Variants in PDE6C observed in about 807,000 individuals in gnomAD.
PDE6C encodes cone cGMP-specific 3',5'-cyclic phosphodiesterase subunit alpha'.
PDE6C carries 75 observed loss-of-function variants against 113.1 expected under a neutral mutation model. That is an observed-to-expected ratio of 0.66 (90% CI 0.55 to 0.80). PDE6C has a LOEUF of 0.80. Among genes scored for constraint, PDE6C ranks in the 30% least tolerant of loss-of-function variants. The pLI, the probability that PDE6C is intolerant of heterozygous loss-of-function variation, is 0.00. For synonymous variants in PDE6C, 375 were observed against 363.7 expected (o/e 1.03, Z -0.35); for missense variants, 912 against 1,038.6 (o/e 0.88, Z 1.67).
chr10:93,630,357 G>A (rs1246032156), intron 8 of PDE6C, among the ~76,000 whole-genome samples: 1 of 119,956 alleles, frequency 8.3e-6, no homozygotes, highest in Non-Finnish European at 1.7e-5. Context: ...CCCACCAGAA[G>A]GGCCAGCCTG....
intron 17 of PDE6C, 37 bp from the exon 18 acceptor site, chr10:93,659,067 T>G: frequency 6.3e-7 from 1 of 1,581,968 alleles, no homozygotes; most frequent in Non-Finnish European, 8.7e-7. Context: ...TATTTTGTAC[T>G]TATTTCTATT....
At chr10:93,618,002 G>A (rs2058427579) in intron 1 of PDE6C, among the ~76,000 whole-genome samples, 1 of 151,974 alleles carries the variant, frequency 6.6e-6, no homozygotes. Flanking sequence ...GATGCTATGG[G>A]GAACCAGAGA....
At chr10:93,622,561 AC>A (rs1304341678) in intron 4 of PDE6C, among the ~76,000 whole-genome samples, 2 of 151,010 alleles carry the variant, frequency 1.3e-5, no homozygotes, top group Non-Finnish European at 2.9e-5. Flanking sequence ...CAGACAGACT[AC>A]TTTCAGTGCC....
chr10:93,627,258 C>CAAA (rs57142181), intron 7 of PDE6C, among the ~76,000 whole-genome samples: 1,910 of 50,400 alleles, frequency 0.038, 126 homozygotes, highest in East Asian at 0.057. Flanking sequence ...TGAAACTCCA[C>CAAA]AAAAAAAAAA....
At chr10:93,639,885 G>A (rs17485621) in intron 11 of PDE6C, among the ~76,000 whole-genome samples, 185 bp from the exon 12 acceptor site, 5,584 of 152,262 alleles carry the variant, frequency 0.037, 132 homozygotes, top group Middle Eastern at 0.088. Flanking sequence ...GGAGATAATC[G>A]TGTAGGCCTG....
Position 93,662,043 on chromosome 10 carries a change from C to G in PDE6C, c.2209-16C>G. The stretch of plus-strand genomic sequence containing the variant: ...TCATAAGTGGATTTAGTGAACCAAG[C>G]CTTTCTCATTTGCAGGTAGCACTTA... On this transcript the variant is annotated splice_polypyrimidine_tract_variant and intron_variant, in intron 18 of 21. Transcript: ENST00000371447. 6.5e-7 allele frequency: 1 copy of G among 1,544,182 alleles called. No homozygotes were observed. Among genetic ancestry groups the G allele is most frequent in the Non-Finnish European group, 9.0e-7 (1 of 1,116,406 alleles).
intron 17 of PDE6C, 31 bp downstream of exon 17, chr10:93,659,039 T>C: frequency 6.3e-7 from 1 of 1,580,700 alleles, no homozygotes; most frequent in Non-Finnish European, 8.7e-7. Context: ...TTCTCTCTTG[T>C]TTTTTGTAAA....
chr10:93,613,356 T>C, intron 1 of PDE6C, 151 bp downstream of exon 1: 1 of 1,064,068 alleles, frequency 9.4e-7, no homozygotes, highest in South Asian at 1.4e-5. Flanking sequence ...GGCCTAGTGT[T>C]GCCAAATTTA....
chr10:93,659,879 T>C (rs1001099275), intron 18 of PDE6C, among the ~76,000 whole-genome samples: 5 of 152,226 alleles, frequency 3.3e-5, no homozygotes, highest in Non-Finnish European at 7.3e-5. Context: ...TTTGCTCCTA[T>C]AGTCTCTTCT....
chr10:93,623,072 T>G lies in PDE6C; in HGVS notation c.864+1000T>G, dbSNP rs117908117. On this transcript the variant is annotated intron_variant, in intron 4 of 21. Transcript: ENST00000371447. ...AGACTGTCTTCCAAAGTGACTTTAC[T>G]GTTTTGCATGTCTACCAGATGCACT... Among the ~76,000 whole-genome samples the G allele has an allele frequency of 6.0e-3, 915 of 152,326 alleles. 5 individuals are homozygous for G. Among genetic ancestry groups the G allele is most frequent in the Middle Eastern group, 0.014 (4 of 294 alleles).
chr10:93,655,153 TATGTG>T (rs1384710340), intron 15 of PDE6C, among the ~76,000 whole-genome samples: 1 of 152,152 alleles, frequency 6.6e-6, no homozygotes, highest in Non-Finnish European at 1.5e-5. Flanking sequence ...AGCTGATCCT[TATGTG>T]AAGAGATGTA....
In PDE6C at chr10:93,612,570, C is replaced by A; in HGVS notation, c.-156C>A. On this transcript the variant is annotated 5_prime_UTR_variant, in exon 1 of 22. Coordinates refer to ENST00000371447, the MANE Select transcript of PDE6C (RefSeq NM_006204.4). ...CCAAGAGTTACAGGCAGTTTGAAAG[C>A]TCTGCTTTCTGCTTGACCTTTGGAA... is the stretch of plus-strand genomic sequence containing the variant. 1 of 983,104 alleles carries A rather than the reference C, an allele frequency of 1.0e-6. No individual in the cohort carries two copies. The highest frequency in any genetic ancestry group is 1.6e-6 in the Non-Finnish European group (1 of 634,710). The allele number at this position is 983,104 out of a possible 1,614,324, so 60.9% of individuals were successfully genotyped here.
chr10:93,664,871 A>G (rs1259716619), intron 21 of PDE6C, among the ~76,000 whole-genome samples: 1 of 151,952 alleles, frequency 6.6e-6, no homozygotes, highest in Non-Finnish European at 1.5e-5. Context: ...TATTTATTTA[A>G]TTTATTTTTT....
intron 1 of PDE6C, among the ~76,000 whole-genome samples, chr10:93,615,363 C>T (rs1187653895): frequency 6.6e-6 from 1 of 152,170 alleles, no homozygotes; most frequent in Non-Finnish European, 1.5e-5. Flanking sequence ...GATTAGAATT[C>T]AGGCATTAGT....
chr10:93,629,601 T>C (rs2058490294), intron 8 of PDE6C, among the ~76,000 whole-genome samples: 1 of 152,302 alleles, frequency 6.6e-6, no homozygotes, highest in Non-Finnish European at 1.5e-5. Flanking sequence ...ACCGGTTTTG[T>C]GGAAGACAAT....
chr10:93,641,663 A>G (rs1397749293), intron 14 of PDE6C, among the ~76,000 whole-genome samples: 1 of 152,142 alleles, frequency 6.6e-6, no homozygotes, highest in Admixed American at 6.5e-5. Flanking sequence ...TAAAAATAAA[A>G]AACAAGTACA....
chr10:93,654,780 TTC>T (rs1491041317), intron 15 of PDE6C, among the ~76,000 whole-genome samples: 2 of 61,038 alleles, frequency 3.3e-5, no homozygotes, highest in Admixed American at 3.9e-4. Context: ...CTTTCTTTCT[TTC>T]TTTCTTTCTT....
At chr10:93,614,299 A>C (rs1207361932) in intron 1 of PDE6C, among the ~76,000 whole-genome samples, 2 of 152,162 alleles carry the variant, frequency 1.3e-5, no homozygotes, top group African/African-American at 4.8e-5. Context: ...CGGACCCAAG[A>C]GGTGTGGAAG....
At chr10:93,644,832 A>ATAGT (rs1357513003) in intron 14 of PDE6C, among the ~76,000 whole-genome samples, 25 of 140,772 alleles carry the variant, frequency 1.8e-4, no homozygotes, top group Non-Finnish European at 1.6e-4. Context: ...CTATATATAT[A>ATAGT]CTATATATAG....
Sources: gnomAD v4.1 joint callset for allele counts (sites outside exome capture counted in the v4.1 genomes callset) on GRCh38, gnomAD v4.1.1 for gene constraint, MANE v1.5 for transcripts, NCBI Gene and HGNC (gene_info 2026-07-23, HGNC 2026-07-21) for gene names.